Variants in TBC1D4 observed in about 807,000 individuals in gnomAD.
The protein encoded by TBC1D4 is TBC (Tre-2, BUB2, CDC16) domain-containing protein.
In TBC1D4, 121 loss-of-function variants were observed where a neutral mutation model predicts 142.5. The ratio of observed to expected loss-of-function variants is 0.85; its 90% CI spans 0.73 to 0.99. TBC1D4 has a LOEUF of 0.99. Among genes scored for constraint, TBC1D4 ranks in the 50% least tolerant of loss-of-function variants. The probability of loss-of-function intolerance (pLI) is 0.00; values close to 1 mark genes in which losing one functional copy is unlikely to be tolerated. For synonymous variants in TBC1D4, 630 were observed against 628.2 expected (o/e 1.00, Z -0.04); for missense variants, 1,475 against 1,606.6 (o/e 0.92, Z 1.40).
At chr13:75,297,695 T>G (rs570671213) in intron 17 of TBC1D4, among the ~76,000 whole-genome samples, 2 of 150,638 alleles carry the variant, frequency 1.3e-5, no homozygotes, top group South Asian at 2.1e-4. Flanking sequence ...AGGTGGAGGT[T>G]GCAGTGAGCC....
At chr13:75,458,744 C>T (rs1887841448) in intron 1 of TBC1D4, among the ~76,000 whole-genome samples, 1 of 151,996 alleles carries the variant, frequency 6.6e-6, no homozygotes, top group Admixed American at 6.6e-5. Flanking sequence ...TTTTAAATCT[C>T]ATGCTTTTAA....
At chr13:75,475,313 A>G (rs1888589891) in intron 1 of TBC1D4, among the ~76,000 whole-genome samples, 1 of 152,246 alleles carries the variant, frequency 6.6e-6, no homozygotes, top group South Asian at 2.1e-4. Context: ...ATACTATTAC[A>G]TTAAATCATA....
intron 18 of TBC1D4, among the ~76,000 whole-genome samples, chr13:75,294,330 C>T (rs1875653974): frequency 6.6e-6 from 1 of 152,150 alleles, no homozygotes; most frequent in Admixed American, 6.5e-5. Flanking sequence ...TAGAGACTGT[C>T]CCCCAGCACT....
chr13:75,425,794 T>C lies in TBC1D4; in HGVS notation c.498+55476A>G, dbSNP rs149753117. Among the ~76,000 whole-genome samples, 452 of 152,268 alleles carry C rather than the reference T, an allele frequency of 3.0e-3. 3 individuals carry two copies. The highest frequency in any genetic ancestry group is 5.2e-3 in the Non-Finnish European group (353 of 68,004). On this transcript the variant is annotated intron_variant, in intron 1 of 20. Coordinates refer to ENST00000377636, the MANE Select transcript of TBC1D4 (RefSeq NM_014832.5). ...CATAGAAACAGAGTAAAATGGTGGT[T>C]ACCAGAGGCTGGAGTGTAGAGGCAC... is the stretch of plus-strand genomic sequence containing the variant.
intron 1 of TBC1D4, among the ~76,000 whole-genome samples, chr13:75,461,035 G>A (rs970158413): frequency 6.6e-6 from 1 of 152,208 alleles, no homozygotes; most frequent in East Asian, 1.9e-4. Context: ...TACAAGATTA[G>A]GCTGTACCCA....
At chr13:75,431,716 A>C (rs1389101386) in intron 1 of TBC1D4, among the ~76,000 whole-genome samples, 1 of 152,244 alleles carries the variant, frequency 6.6e-6, no homozygotes, top group Non-Finnish European at 1.5e-5. Flanking sequence ...GGAATTCAAA[A>C]GGCAAATCAT....
At chr13:75,419,847 T>C (rs757551211) in intron 1 of TBC1D4, among the ~76,000 whole-genome samples, 1 of 152,182 alleles carries the variant, frequency 6.6e-6, no homozygotes, top group South Asian at 2.1e-4. Context: ...TCAGGGGTGA[T>C]AGGACGTGCA....
chr13:75,287,055 C>A, intron 20 of TBC1D4, 30 bp from the exon 21 acceptor site: 8 of 1,564,040 alleles, frequency 5.1e-6, no homozygotes, highest in Non-Finnish European at 7.0e-6. Context: ...TCCTCCAAAT[C>A]AAATGATTCA....
At chr13:75,387,305 A>G (rs1454193353) in intron 1 of TBC1D4, among the ~76,000 whole-genome samples, 1 of 152,232 alleles carries the variant, frequency 6.6e-6, no homozygotes, top group Non-Finnish European at 1.5e-5. Flanking sequence ...GCAAATTTTC[A>G]GAGCTTTGTC....
At chr13:75,406,083 C>T (rs978969410) in intron 1 of TBC1D4, among the ~76,000 whole-genome samples, 1 of 152,200 alleles carries the variant, frequency 6.6e-6, no homozygotes, top group Non-Finnish European at 1.5e-5. Flanking sequence ...TCGTTCGCTC[C>T]GGCCTTTCAA....
intron 1 of TBC1D4, among the ~76,000 whole-genome samples, chr13:75,448,967 A>C (rs1186900362): frequency 6.6e-6 from 1 of 152,096 alleles, no homozygotes; most frequent in Non-Finnish European, 1.5e-5. Flanking sequence ...AAAATGTGAA[A>C]GTGACACTCA....
Position 75,442,444 on chromosome 13 carries a change from C to A in TBC1D4, c.498+38826G>T, listed in dbSNP as rs114870576. Among the ~76,000 whole-genome samples, 373 of 152,094 alleles carry A rather than the reference C, an allele frequency of 2.5e-3. 2 individuals are homozygous for A. The highest frequency in any genetic ancestry group is 8.3e-3 in the African/African-American group (344 of 41,494). ...AATATCCCAAAACAGAAAACAAATT[C>A]AAAATCACTTAAATTTTGTTCTGGA... On this transcript the variant is annotated intron_variant, in intron 1 of 20. Transcript: ENST00000377636.
In TBC1D4 at chr13:75,304,083, C is replaced by T. The variant is rs537372152; in HGVS notation, c.2753-1682G>A. Reference sequence around the variant, plus strand: ...GTCTCTTTTCCCGGCTTAAATGGTCCTTGAGAATAGCAAGCATATTTTCAT... The same window carrying T: ...GTCTCTTTTCCCGGCTTAAATGGTCTTTGAGAATAGCAAGCATATTTTCAT... On this transcript the variant is annotated intron_variant, in intron 15 of 20. Coordinates refer to ENST00000377636, the MANE Select transcript of TBC1D4 (RefSeq NM_014832.5). 5.3e-5 allele frequency among the ~76,000 whole-genome samples: 8 copies of T among 152,282 alleles called. No individual in the cohort carries two copies. The East Asian group carries it at 1.5e-3, about 29-fold the overall frequency.
At position 75,302,238 on chromosome 13, in the gene TBC1D4, C is replaced by T; in HGVS notation, c.2911+5G>A. 1 of 1,614,110 alleles carries T rather than the reference C, an allele frequency of 6.2e-7. No individual in the cohort carries two copies. Among genetic ancestry groups the T allele is most frequent in the South Asian group, 1.1e-5 (1 of 91,082 alleles). ...TGTAAATTATAATCCACATGACAAA[C>T]ATACCTAAATCCACGAGAATCGCAT... is the stretch of plus-strand genomic sequence containing the variant. On this transcript the variant is annotated splice_donor_5th_base_variant and intron_variant, in intron 16 of 20. Coordinates refer to ENST00000377636, the MANE Select transcript of TBC1D4 (RefSeq NM_014832.5).
intron 8 of TBC1D4, among the ~76,000 whole-genome samples, chr13:75,333,923 G>A (rs1423063249): frequency 6.6e-6 from 1 of 152,154 alleles, no homozygotes. Context: ...TTAGATTCAA[G>A]CACTGCCTAT....
chr13:75,378,639 T>C (rs187272663), intron 1 of TBC1D4, among the ~76,000 whole-genome samples: 1 of 152,092 alleles, frequency 6.6e-6, no homozygotes, highest in East Asian at 1.9e-4. Flanking sequence ...ATGCTAAAAC[T>C]TTTACATTCA....
chr13:75,474,880 G>A (rs1169786298), intron 1 of TBC1D4, among the ~76,000 whole-genome samples: 2 of 151,904 alleles, frequency 1.3e-5, no homozygotes, highest in African/African-American at 2.4e-5. Flanking sequence ...CAGGTGACCC[G>A]CCTGCCTCAG....
At chr13:75,345,164 A>T (rs540932) in intron 5 of TBC1D4, among the ~76,000 whole-genome samples, 2,594 of 152,298 alleles carry the variant, frequency 0.017, 81 homozygotes, top group African/African-American at 0.059. Flanking sequence ...TGAATACAGC[A>T]GTTATTACCC....
chr13:75,340,910 C>A (rs546258048), intron 7 of TBC1D4, among the ~76,000 whole-genome samples: 1 of 152,260 alleles, frequency 6.6e-6, no homozygotes, highest in East Asian at 1.9e-4. Context: ...CGTGCCATTG[C>A]ACTCCAGCCT....
Sources: gnomAD v4.1 joint callset for allele counts (sites outside exome capture counted in the v4.1 genomes callset) on GRCh38, gnomAD v4.1.1 for gene constraint, MANE v1.5 for transcripts, NCBI Gene and HGNC (gene_info 2026-07-23, HGNC 2026-07-21) for gene names.